The following ANTXR1 variants were observed in gnomAD, a reference collection of about 807,000 sequenced individuals.
ANTXR1 encodes the protein ANTXR cell adhesion molecule 1.
ANTXR1 carries 19 observed loss-of-function variants against 78.1 expected under a neutral mutation model. That is an observed-to-expected ratio of 0.24 (90% CI 0.17 to 0.36). The LOEUF is 0.36. Ranked by LOEUF, ANTXR1 falls within the 10% of genes least tolerant of loss-of-function variation. The probability of loss-of-function intolerance (pLI) is 1.00; values close to 1 mark genes in which losing one functional copy is unlikely to be tolerated. For missense variants in ANTXR1, 518 were observed against 718.6 expected, an observed-to-expected ratio of 0.72 and a Z score of 3.19; for synonymous variants, 273 against 260.5, an observed-to-expected ratio of 1.05 and a Z score of -0.46.
intron 9 of ANTXR1, among the ~76,000 whole-genome samples, chr2:69,092,511 C>T (rs556607027): frequency 2.0e-5 from 3 of 152,274 alleles, no homozygotes; most frequent in East Asian, 1.9e-4. Context: ...TAGCAAAATA[C>T]TTGGTAACTA....
chr2:69,094,549 C>T (rs1297970790), intron 9 of ANTXR1, among the ~76,000 whole-genome samples: 1 of 152,196 alleles, frequency 6.6e-6, no homozygotes, highest in Non-Finnish European at 1.5e-5. Flanking sequence ...CTCTTCCCTT[C>T]ACTCTGTGAA....
intron 9 of ANTXR1, among the ~76,000 whole-genome samples, chr2:69,091,922 C>T (rs752554739): frequency 8.5e-5 from 13 of 152,182 alleles, no homozygotes; most frequent in African/African-American, 3.1e-4. Context: ...TGGCGCTTCT[C>T]GTATAATTCT....
chr2:69,243,872 G>A (rs1157712326), intron 17 of ANTXR1, among the ~76,000 whole-genome samples: 3 of 152,220 alleles, frequency 2.0e-5, no homozygotes, highest in Non-Finnish European at 4.4e-5. Context: ...CTCAGCCGCT[G>A]TGGGGAGCAA....
At chr2:69,132,592 C>A (rs774198626) in intron 12 of ANTXR1, among the ~76,000 whole-genome samples, 3 of 152,192 alleles carry the variant, frequency 2.0e-5, no homozygotes, top group Non-Finnish European at 4.4e-5. Context: ...AAAATTATTG[C>A]GTACTCTTCA....
upstream of ANTXR1, chr2:69,013,149 A>T: frequency 1.9e-5 from 2 of 102,828 alleles, no homozygotes; most frequent in Non-Finnish European, 1.9e-5. This position sits in a 1 kb window ranked among gnomAD's most constrained non-coding sequence, Gnocchi z 5.0. Flanking sequence ...CCCCCATCAT[A>T]TTTAAAATCT....
chr2:69,134,190 GA>G (rs909192395), intron 12 of ANTXR1, among the ~76,000 whole-genome samples: 19 of 152,194 alleles, frequency 1.2e-4, no homozygotes, highest in Admixed American at 9.8e-4. Context: ...CACTCCAAGG[GA>G]GAACATAGAG....
At chr2:69,023,529 G>A (rs72827606) in intron 1 of ANTXR1, among the ~76,000 whole-genome samples, 12 of 151,442 alleles carry the variant, frequency 7.9e-5, no homozygotes, top group East Asian at 7.8e-4. Context: ...TGATGATGAT[G>A]ATGATGATGA....
At chr2:69,057,448 T>C (rs1670101961) in intron 3 of ANTXR1, among the ~76,000 whole-genome samples, 1 of 152,224 alleles carries the variant, frequency 6.6e-6, no homozygotes, top group East Asian at 1.9e-4. Flanking sequence ...ATTTCAACCT[T>C]CATTATTATT....
intron 1 of ANTXR1, among the ~76,000 whole-genome samples, chr2:69,017,397 A>G (rs915617603): frequency 6.6e-6 from 1 of 152,098 alleles, no homozygotes; most frequent in African/African-American, 2.4e-5. Flanking sequence ...ATCATAGGGG[A>G]CTGAATCCAC....
intron 12 of ANTXR1, among the ~76,000 whole-genome samples, chr2:69,135,851 T>C (rs755135455): frequency 3.3e-5 from 5 of 152,066 alleles, no homozygotes; most frequent in Non-Finnish European, 7.4e-5. Context: ...AAAATATAAA[T>C]GAAGAATTTA....
At chr2:69,112,634 A>AC (rs1399047001) in intron 10 of ANTXR1, among the ~76,000 whole-genome samples, 6 of 152,220 alleles carry the variant, frequency 3.9e-5, no homozygotes, top group Non-Finnish European at 5.9e-5. Context: ...GGTAGGAAGA[A>AC]CCCCAGGCAT....
intron 1 of ANTXR1, among the ~76,000 whole-genome samples, chr2:69,022,733 A>G (rs188761146): frequency 6.6e-6 from 1 of 152,376 alleles, no homozygotes; most frequent in East Asian, 1.9e-4. Context: ...CAGGAAGACA[A>G]GAAAAGTTGC....
Position 69,179,524 on chromosome 2 carries a change from CA to C in ANTXR1, c.1090-2247del, listed in dbSNP as rs59914010. On this transcript the variant is annotated intron_variant, in intron 14 of 17. Coordinates refer to ENST00000303714, the MANE Select transcript of ANTXR1 (RefSeq NM_032208.3). Reference sequence around the variant, plus strand: ...GGGTGACAGAGTGAGACCCTGTCTCCAAAAAAAAAAAAAAATTATCAAAATT... The same window carrying C: ...GGGTGACAGAGTGAGACCCTGTCTCCAAAAAAAAAAAAAATTATCAAAATT... Among the ~76,000 whole-genome samples the C allele has an allele frequency of 0.012, 1,586 of 135,752 alleles. 44 individuals are homozygous for C. The East Asian group carries it at 0.12, about 11-fold the overall frequency. 89.1% of individuals were successfully genotyped at this position (135,752 alleles called of 152,430 possible). A position where few individuals can be genotyped will look rare whatever the true frequency, so the allele number is the denominator to read the frequency against.
rs1671424331 is a variant in ANTXR1 at position 69,096,359 on chromosome 2, AGGGAGGAAGGGAGGAAGGAG to A, written c.703+5443_703+5462del. Among the ~76,000 whole-genome samples, 18 of 57,952 alleles carry A rather than the reference AGGGAGGAAGGGAGGAAGGAG, an allele frequency of 3.1e-4. 8 individuals carry two copies. Among genetic ancestry groups the A allele is most frequent in the African/African-American group, 1.5e-3 (16 of 10,668 alleles). 38.0% of individuals were successfully genotyped at this position (57,952 alleles called of 152,430 possible). On this transcript the variant is annotated intron_variant, in intron 9 of 17. Transcript: ENST00000303714. Reference sequence around the variant, plus strand: ...AAGGGAGGAAGGGAGGAAGGGAGGAAGGGAGGAAGGGAGGAAGGAGGGAAGGAAGGAAGGAAGGAAGGAAG... The same window carrying A: ...AAGGGAGGAAGGGAGGAAGGGAGGAAGGAAGGAAGGAAGGAAGGAAGGAAG...
At chr2:69,120,772 T>C (rs1672322974) in intron 10 of ANTXR1, among the ~76,000 whole-genome samples, 1 of 152,254 alleles carries the variant, frequency 6.6e-6, no homozygotes, top group Non-Finnish European at 1.5e-5. Flanking sequence ...TCACCATTCC[T>C]GCAACATTCC....
chr2:69,050,695 T>C (rs1669906111), intron 3 of ANTXR1, among the ~76,000 whole-genome samples: 1 of 152,232 alleles, frequency 6.6e-6, no homozygotes, highest in South Asian at 2.1e-4. Flanking sequence ...TCGTGTTTTC[T>C]AACTTGAGAA....
Position 69,102,858 on chromosome 2 carries a change from C to T in ANTXR1, c.720C>T (p.Val240=), listed in dbSNP as rs182343000. 60 of 1,614,056 alleles carry T rather than the reference C, an allele frequency of 3.7e-5. No homozygotes were observed. The highest frequency in any genetic ancestry group is 1.7e-4 in the Middle Eastern group (1 of 6,028). The change falls in exon 10 of 18, where the codon GTC becomes GTT. Residue 240 remains valine (V), a synonymous_variant. Coordinates refer to ENST00000303714, the MANE Select transcript of ANTXR1 (RefSeq NM_032208.3). ...TTATTTCAGAGTCATTTCAAGTTGT[C>T]GTGAGAGGAAACGGCTTCCGACATG... ...TICAGESFQV[V]VRGNGFRHAR...
intron 17 of ANTXR1, among the ~76,000 whole-genome samples, chr2:69,236,073 C>A (rs1675755985): frequency 6.6e-6 from 1 of 152,222 alleles, no homozygotes; most frequent in South Asian, 2.1e-4. Flanking sequence ...AAAACTGCAC[C>A]CATAACCCAA....
intron 5 of ANTXR1, among the ~76,000 whole-genome samples, chr2:69,072,786 A>G (rs1437030590): frequency 6.6e-6 from 1 of 152,168 alleles, no homozygotes; most frequent in Non-Finnish European, 1.5e-5. Flanking sequence ...AGGTTTGGCC[A>G]TTTTTCAAGA....
Sources: gnomAD v4.1 joint callset for allele counts (sites outside exome capture counted in the v4.1 genomes callset) on GRCh38, gnomAD v4.1.1 for gene constraint, Gnocchi (gnomAD v3.1) non-coding constraint, MANE v1.5 for transcripts, NCBI Gene and HGNC (gene_info 2026-07-23, HGNC 2026-07-21) for gene names.